The following SLCO2B1 variants were observed in gnomAD, a reference collection of about 807,000 sequenced individuals.
SLCO2B1 encodes OATP-RP2.
In SLCO2B1, 41 loss-of-function variants were observed where a neutral mutation model predicts 67.3. The ratio of observed to expected loss-of-function variants is 0.61; its 90% confidence interval spans 0.47 to 0.79. The LOEUF is 0.79. Among genes scored for constraint, SLCO2B1 ranks in the 30% least tolerant of loss-of-function variants. The pLI is 0.00. For missense variants in SLCO2B1, 837 were observed against 920.1 expected, an observed-to-expected ratio of 0.91 and a Z score of 1.17; for synonymous variants, 379 against 381.4, an observed-to-expected ratio of 0.99 and a Z score of 0.07.
chr11:75,184,010 T>C (rs1267458259), intron 7 of SLCO2B1, among the ~76,000 whole-genome samples: 1 of 152,190 alleles, frequency 6.6e-6, no homozygotes, highest in Admixed American at 6.5e-5. Context: ...CATATACCAG[T>C]GGCCTGGCAT....
At chr11:75,156,845 T>C (rs1591806567) in intron 1 of SLCO2B1, among the ~76,000 whole-genome samples, 1 of 152,244 alleles carries the variant, frequency 6.6e-6, no homozygotes, top group Non-Finnish European at 1.5e-5. Flanking sequence ...GACATTGCCA[T>C]GGCATTTGTA....
At chr11:75,169,497 T>TCCCTGCC in intron 5 of SLCO2B1, 91 bp downstream of exon 5, 1 of 1,298,840 alleles carries the variant, frequency 7.7e-7, no homozygotes. Context: ...GGAGATGGAA[T>TCCCTGCC]CCCTGCCCCC....
intron 3 of SLCO2B1, among the ~76,000 whole-genome samples, chr11:75,165,388 C>T (rs1949874683): frequency 6.7e-6 from 1 of 149,652 alleles, no homozygotes; most frequent in Non-Finnish European, 1.5e-5. Context: ...GCTGAGATCA[C>T]ACCATTGCAC....
Position 75,204,407 on chromosome 11 carries a change from G to A in SLCO2B1, c.1957G>A (p.Gly653Ser), listed in dbSNP as rs772535247. The A allele has an allele frequency of 6.9e-6, 11 of 1,601,922 alleles. No individual in the cohort carries two copies. Among genetic ancestry groups the A allele is most frequent in the East Asian group, 2.2e-5 (1 of 44,564 alleles). The change falls in exon 14 of 14, where the codon GGC becomes AGC. Residue 653 changes from glycine to serine, a missense_variant. Physicochemically the swap from Gly to Ser is moderately conservative, Grantham distance 56 (BLOSUM62 0). Coordinates refer to ENST00000289575, the MANE Select transcript of SLCO2B1 (RefSeq NM_007256.5). ...NNDLLRNRFIGLQFFFKTGSV... is the reference protein window; with the variant it reads ...NNDLLRNRFISLQFFFKTGSV... ...TCCCCATTCTTTCCCCAGGTTCATCGGCCTCCAGTTCTTCTTCAAAACAGG... is the reference window on the plus strand; with the variant it reads ...TCCCCATTCTTTCCCCAGGTTCATCAGCCTCCAGTTCTTCTTCAAAACAGG...
rs369911991 is a variant in SLCO2B1 at position 75,165,971 on chromosome 11, C to A, written c.448+22C>A. On this transcript the variant is annotated intron_variant, in intron 4 of 13. Transcript: ENST00000289575. ...CCTGGTAAGAGCAGCAGGGGCTGGG[C>A]AGGAGTGGGACGTTAGCCTCTGCAT... 26 of 1,607,046 alleles carry A rather than the reference C, an allele frequency of 1.6e-5. No homozygotes were observed. The African/African-American group carries it at 3.2e-4, about 20-fold the overall frequency.
chr11:75,165,619 G>A (rs1182506717), intron 3 of SLCO2B1, among the ~76,000 whole-genome samples, 168 bp from the exon 4 acceptor site: 3 of 152,230 alleles, frequency 2.0e-5, no homozygotes, highest in Non-Finnish European at 4.4e-5. Context: ...CTCCCCTAAG[G>A]GGGCCGTGCG....
intron 7 of SLCO2B1, among the ~76,000 whole-genome samples, chr11:75,185,565 G>A (rs781441419): frequency 7.3e-5 from 10 of 137,000 alleles, no homozygotes; most frequent in Non-Finnish European, 1.2e-4. Context: ...GGAGTGCAGT[G>A]GCATGATCTC....
chr11:75,162,668 G>T lies in SLCO2B1; in HGVS notation c.30G>T (p.Glu10Asp), dbSNP rs201671639. The T allele has an allele frequency of 6.2e-7, 1 of 1,613,520 alleles. No homozygotes were observed. Among genetic ancestry groups the T allele is most frequent in the African/African-American group, 1.3e-5 (1 of 74,954 alleles). The change falls in exon 2 of 14, where the codon GAG becomes GAT. Residue 10 changes from glutamate (E) to aspartate (D), a missense_variant. Glu to Asp is a conservative substitution (Grantham distance 45). Transcript: ENST00000289575. The part of the protein sequence containing the change: MGPRIGPAG[E>D]VPQVPDKETK... Reference sequence around the variant, plus strand: ...TCTGTCCCTCAGGGCCAGCGGGTGAGGTACCCCAGGTACCAGACAAGGAAA... The same window carrying T: ...TCTGTCCCTCAGGGCCAGCGGGTGATGTACCCCAGGTACCAGACAAGGAAA...
chr11:75,191,674 C>G (rs898382263), intron 8 of SLCO2B1, among the ~76,000 whole-genome samples: 2 of 152,204 alleles, frequency 1.3e-5, no homozygotes, highest in African/African-American at 4.8e-5. Flanking sequence ...AAGGAGCCCC[C>G]ACCTGGCCCA....
chr11:75,170,632 C>T (rs555000091), intron 6 of SLCO2B1, among the ~76,000 whole-genome samples: 17 of 152,312 alleles, frequency 1.1e-4, no homozygotes, highest in Admixed American at 9.8e-4. Context: ...GCAGACGCTG[C>T]TTCTCGTTCC....
At chr11:75,171,773 A>T (rs113576923) in intron 6 of SLCO2B1, among the ~76,000 whole-genome samples, 7,496 of 151,864 alleles carry the variant, frequency 0.049, 241 homozygotes, top group Middle Eastern at 0.11. Flanking sequence ...TTCCCACCCC[A>T]CTCTGTGGTC....
intron 8 of SLCO2B1, among the ~76,000 whole-genome samples, chr11:75,191,510 C>T (rs1335506812): frequency 1.3e-5 from 2 of 152,190 alleles, no homozygotes; most frequent in East Asian, 1.9e-4. Flanking sequence ...CCCCACCCAC[C>T]GTCCTGAACT....
rs1004390295 is a variant in SLCO2B1, at chr11:75,185,036, GA to G, written c.973-3093del. Among the ~76,000 whole-genome samples, 9 of 152,052 alleles carry G rather than the reference GA, an allele frequency of 5.9e-5. No individual in the cohort carries two copies. The South Asian group carries it at 1.2e-3, about 21-fold the overall frequency. On this transcript the variant is annotated intron_variant, in intron 7 of 13. Coordinates refer to ENST00000289575, the MANE Select transcript of SLCO2B1 (RefSeq NM_007256.5). The stretch of plus-strand genomic sequence containing the variant: ...GGAATGAAAGAAGAAAGAAGAAAGG[GA>G]AAAAAAGTCCAAGGGAACACACACA...
Position 75,204,707 on chromosome 11 carries a change from A to G in SLCO2B1, c.*127A>G. Reference sequence around the variant, plus strand: ...GGCTCCTCCACTAAATTGCTGTGTGACTTCAGGCAAGACATTGATCCTCTC... The same window carrying G: ...GGCTCCTCCACTAAATTGCTGTGTGGCTTCAGGCAAGACATTGATCCTCTC... On this transcript the variant is annotated 3_prime_UTR_variant, in exon 14 of 14. Coordinates refer to ENST00000289575, the MANE Select transcript of SLCO2B1 (RefSeq NM_007256.5). 1 of 765,340 alleles carries G rather than the reference A, an allele frequency of 1.3e-6. No individual in the cohort carries two copies. Among genetic ancestry groups the G allele is most frequent in the Non-Finnish European group, 2.0e-6 (1 of 504,680 alleles). 47.4% of individuals were successfully genotyped at this position (765,340 alleles called of 1,614,324 possible). A position where few individuals can be genotyped will look rare whatever the true frequency, so the allele number is the denominator to read the frequency against.
intron 7 of SLCO2B1, among the ~76,000 whole-genome samples, chr11:75,177,620 C>T (rs1281204945): frequency 6.6e-6 from 1 of 152,170 alleles, no homozygotes; most frequent in African/African-American, 2.4e-5. Flanking sequence ...GAATCACTAC[C>T]ATTTGTAAAA....
intron 7 of SLCO2B1, among the ~76,000 whole-genome samples, chr11:75,185,546 G>A (rs561762694): frequency 2.6e-4 from 31 of 119,426 alleles, no homozygotes; most frequent in African/African-American, 9.3e-4. Flanking sequence ...TCACTCTATC[G>A]CCCAGGCTGG....
chr11:75,152,966 G>A (rs928397783), intron 1 of SLCO2B1, among the ~76,000 whole-genome samples: 4 of 152,148 alleles, frequency 2.6e-5, no homozygotes, highest in Non-Finnish European at 4.4e-5. Flanking sequence ...CACCAGAGAG[G>A]AGTGAAGTTC....
chr11:75,179,900 C>T (rs1353811802), intron 7 of SLCO2B1, among the ~76,000 whole-genome samples: 1 of 152,168 alleles, frequency 6.6e-6, no homozygotes. Context: ...CCATGTTGGC[C>T]AGGCTGGTCT....
At position 75,200,092 on chromosome 11, in the gene SLCO2B1, G is replaced by A. The variant is rs564654110; in HGVS notation, c.1600-132G>A. The A allele has an allele frequency of 2.1e-4, 190 of 900,900 alleles. 1 individual carries two copies. Among genetic ancestry groups the A allele is most frequent in the Non-Finnish European group, 2.7e-4 (166 of 607,354 alleles). 55.8% of individuals were successfully genotyped at this position (900,900 alleles called of 1,614,324 possible). A position where few individuals can be genotyped will look rare whatever the true frequency, so the allele number is the denominator to read the frequency against. ...TGCTCAGCCAACGGGTCACGATCTC[G>A]GACTCCCAGCCAGCTCTACCCCAAC... On this transcript the variant is annotated intron_variant, in intron 10 of 13. Transcript: ENST00000289575.
Sources: allele counts gnomAD v4.1 joint callset (sites outside exome capture counted in the v4.1 genomes callset), GRCh38; gene constraint gnomAD v4.1.1; transcripts MANE v1.5; gene names NCBI Gene and HGNC (gene_info 2026-07-23, HGNC 2026-07-21).